Variants in PCDH9 observed in about 807,000 individuals in gnomAD.
PCDH9 encodes protocadherin-9.
In PCDH9, 24 loss-of-function variants were observed where a neutral mutation model predicts 70.6. The observed-to-expected ratio is 0.34, with a 90% confidence interval of 0.25 to 0.48. The LOEUF is 0.48. Ranked by LOEUF, PCDH9 falls within the 20% of genes least tolerant of loss-of-function variation. The pLI is 0.99. For synonymous variants in PCDH9, 562 were observed against 558.5 expected (o/e 1.01, Z -0.09); for missense variants, 1,281 against 1,503.6 (o/e 0.85, Z 2.45).
rs144181181 is a variant in PCDH9, at chr13:66,849,486, G to GTATATA, written c.3138+54012_3138+54017dup. Among the ~76,000 whole-genome samples the GTATATA allele has an allele frequency of 1.3e-3, 121 of 90,240 alleles. 2 individuals carry two copies. The highest frequency in any genetic ancestry group is 8.4e-3 in the East Asian group (20 of 2,380). The allele number at this position is 90,240 out of a possible 152,430, so 59.2% of individuals were successfully genotyped here. On this transcript the variant is annotated intron_variant, in intron 3 of 4. Coordinates refer to ENST00000377865, the MANE Select transcript of PCDH9 (RefSeq NM_203487.3). ...TGACATCTATGACAATCATAGGTAG[G>GTATATA]TATATATATATATATATATATATAT...
At chr13:66,733,411 TA>T (rs1392844384) in intron 3 of PCDH9, among the ~76,000 whole-genome samples, 1 of 152,190 alleles carries the variant, frequency 6.6e-6, no homozygotes, top group Non-Finnish European at 1.5e-5. Context: ...CCACACTAAT[TA>T]TTTTTGATGG....
At chr13:66,698,722 T>C (rs1428691786) in intron 3 of PCDH9, among the ~76,000 whole-genome samples, 1 of 151,384 alleles carries the variant, frequency 6.6e-6, no homozygotes, top group Non-Finnish European at 1.5e-5. Context: ...GGACTACAGG[T>C]GTAGGCCACC....
chr13:67,014,074 T>C (rs1255442627), intron 2 of PCDH9, among the ~76,000 whole-genome samples: 1 of 152,090 alleles, frequency 6.6e-6, no homozygotes, highest in Non-Finnish European at 1.5e-5. Flanking sequence ...CCCATTCAAA[T>C]ATGAAACTAG....
chr13:66,754,864 A>T (rs1007969769), intron 3 of PCDH9, among the ~76,000 whole-genome samples: 1 of 152,194 alleles, frequency 6.6e-6, no homozygotes, highest in Non-Finnish European at 1.5e-5. Context: ...TGTGTCATAC[A>T]TAATGTTAAT....
intron 3 of PCDH9, among the ~76,000 whole-genome samples, chr13:66,869,140 T>G (rs537639694): frequency 2.6e-5 from 4 of 152,162 alleles, no homozygotes; most frequent in Non-Finnish European, 5.9e-5. Flanking sequence ...AGACTGCCTA[T>G]AGTAAGATGT....
intron 3 of PCDH9, among the ~76,000 whole-genome samples, chr13:66,660,260 T>C (rs889825387): frequency 6.6e-6 from 1 of 152,218 alleles, no homozygotes; most frequent in Non-Finnish European, 1.5e-5. Context: ...GCAAGAGCTG[T>C]TCTGACTACT....
intron 3 of PCDH9, among the ~76,000 whole-genome samples, chr13:66,831,689 T>G (rs1451960392): frequency 6.6e-6 from 1 of 152,216 alleles, no homozygotes; most frequent in East Asian, 1.9e-4. Context: ...TGAGCCTGTA[T>G]ATTAAGATGT....
chr13:66,680,935 A>G (rs2078310612), intron 3 of PCDH9, among the ~76,000 whole-genome samples: 1 of 152,118 alleles, frequency 6.6e-6, no homozygotes. Flanking sequence ...GCATTAATAC[A>G]AGGATAAAAG....
chr13:66,990,682 T>C (rs2083984814), intron 2 of PCDH9, among the ~76,000 whole-genome samples: 1 of 151,152 alleles, frequency 6.6e-6, no homozygotes, highest in Non-Finnish European at 1.5e-5. Flanking sequence ...GCACAATTGA[T>C]AGCAATTTCT....
In PCDH9 at chr13:66,545,073, T is replaced by C. The variant is rs543515665; in HGVS notation, c.3340+86137A>G. On this transcript the variant is annotated intron_variant, in intron 4 of 4. Transcript: ENST00000377865. The stretch of plus-strand genomic sequence containing the variant: ...TAAAAATGGTTCAAGCAAACCTAGA[T>C]GTCCTTTAAATTTTTGGTACCCTAA... Among the ~76,000 whole-genome samples the C allele has an allele frequency of 4.7e-4, 71 of 152,292 alleles. 1 individual carries two copies. The highest frequency in any genetic ancestry group is 1.7e-3 in the African/African-American group (69 of 41,582).
Position 66,858,200 on chromosome 13 carries a change from T to C in PCDH9, c.3138+45304A>G, listed in dbSNP as rs548826733. Among the ~76,000 whole-genome samples, 9 of 152,286 alleles carry C rather than the reference T, an allele frequency of 5.9e-5. No individual in the cohort carries two copies. In the South Asian group the frequency reaches 1.5e-3, roughly 25 times the overall value. On this transcript the variant is annotated intron_variant, in intron 3 of 4. Transcript: ENST00000377865. ...TCTCTTTTGATTCCTAGAGATTACA[T>C]TGTGGAGAGTATGCCATTAAATAAC...
rs555371855 is a variant in PCDH9, at chr13:67,004,191, C to T, written c.3037-100586G>A. Among the ~76,000 whole-genome samples, 7 of 151,878 alleles carry T rather than the reference C, an allele frequency of 4.6e-5. No individual in the cohort carries two copies. In the South Asian group the frequency reaches 1.5e-3, roughly 32 times the overall value. On this transcript the variant is annotated intron_variant, in intron 2 of 4. Transcript: ENST00000377865. Reference sequence around the variant, plus strand: ...CTTAGTGCAAACATATGGTTAAAAGCCTGACTTTTCACAATATGATACATT... The same window carrying T: ...CTTAGTGCAAACATATGGTTAAAAGTCTGACTTTTCACAATATGATACATT...
chr13:67,131,998 T>A (rs2087122609), intron 2 of PCDH9, among the ~76,000 whole-genome samples: 1 of 152,142 alleles, frequency 6.6e-6, no homozygotes, highest in Non-Finnish European at 1.5e-5. Context: ...ACCAAGCCAG[T>A]CAAATGACTC....
At chr13:66,470,867 T>G (rs1245296144) in intron 4 of PCDH9, among the ~76,000 whole-genome samples, 1 of 151,580 alleles carries the variant, frequency 6.6e-6, no homozygotes, top group East Asian at 1.9e-4. Flanking sequence ...CTTTTACAGT[T>G]CTGAAATAGG....
chr13:66,454,842 T>C (rs528311077), intron 4 of PCDH9, among the ~76,000 whole-genome samples: 1 of 152,304 alleles, frequency 6.6e-6, no homozygotes, highest in South Asian at 2.1e-4. Context: ...TGACTTCAAG[T>C]TACCTGCCCA....
chr13:66,407,943 G>A (rs1245366246), intron 4 of PCDH9, among the ~76,000 whole-genome samples: 1 of 151,874 alleles, frequency 6.6e-6, no homozygotes, highest in African/African-American at 2.4e-5. Context: ...TATAAGTCAG[G>A]TTCACTAGAA....
chr13:67,066,173 T>C (rs1350344006), intron 2 of PCDH9, among the ~76,000 whole-genome samples: 2 of 152,192 alleles, frequency 1.3e-5, no homozygotes, highest in East Asian at 1.9e-4. Context: ...TATTTGTGCA[T>C]GTTTAGCCTA....
chr13:66,875,290 A>G (rs2081784795), intron 3 of PCDH9, among the ~76,000 whole-genome samples: 1 of 152,228 alleles, frequency 6.6e-6, no homozygotes, highest in African/African-American at 2.4e-5. Context: ...AAATCTGGTT[A>G]CAGAACTCTG....
chr13:66,770,234 G>T (rs2079785065), intron 3 of PCDH9, among the ~76,000 whole-genome samples: 1 of 151,960 alleles, frequency 6.6e-6, no homozygotes, highest in South Asian at 2.1e-4. Flanking sequence ...GAGGGTGAGG[G>T]ATAAAAGACT....
Sources: gnomAD v4.1 joint callset for allele counts (sites outside exome capture counted in the v4.1 genomes callset) on GRCh38, gnomAD v4.1.1 for gene constraint, MANE v1.5 for transcripts, NCBI Gene and HGNC (gene_info 2026-07-23, HGNC 2026-07-21) for gene names.